Variants in CFAP276 observed in about 807,000 individuals in gnomAD.
The protein encoded by CFAP276 is cilia and flagella associated protein 276.
chr1:109,113,530 A>G, the CFAP276 span: 8 of 1,048,746 alleles, frequency 7.6e-6, no homozygotes, highest in East Asian at 2.5e-5. Flanking sequence ...ACTCGGATCA[A>G]CTACAGTGTC....
At chr1:109,113,467 A>AGAGAGAGAGAGG in the CFAP276 span, among the ~76,000 whole-genome samples, 78 of 126,386 alleles carry the variant, frequency 6.2e-4, 6 homozygotes, top group South Asian at 1.8e-3. Flanking sequence ...AGAGAGAGAG[A>AGAGAGAGAGAGG]GGCCCACGTG....
the CFAP276 span, chr1:109,106,062 G>T: frequency 6.2e-7 from 1 of 1,613,842 alleles, no homozygotes; most frequent in East Asian, 2.2e-5. Context: ...TTTCTTTCGG[G>T]AGTAGCCTCC....
chr1:109,112,247 A>G, the CFAP276 span, among the ~76,000 whole-genome samples: 1 of 152,192 alleles, frequency 6.6e-6, no homozygotes, highest in Non-Finnish European at 1.5e-5. Context: ...CTTTCAGAGG[A>G]TTCTCTCCCA....
chr1:109,108,279 A>T, the CFAP276 span, among the ~76,000 whole-genome samples: 3 of 152,086 alleles, frequency 2.0e-5, no homozygotes, highest in African/African-American at 7.2e-5. Flanking sequence ...AGTAGCTGGG[A>T]TTACAGGCAT....
At chr1:109,107,187 A>G in the CFAP276 span, 419 of 1,257,058 alleles carry the variant, frequency 3.3e-4, 1 homozygote, top group Admixed American at 1.7e-3. Context: ...GTCAGGTTCT[A>G]TTGTGCTCTA....
chr1:109,110,182 C>G, the CFAP276 span, among the ~76,000 whole-genome samples: 7 of 152,332 alleles, frequency 4.6e-5, no homozygotes, highest in East Asian at 1.3e-3. Flanking sequence ...CTTCTGAGAC[C>G]TGTACCATTC....
At chr1:109,113,416 AAG>A in the CFAP276 span, among the ~76,000 whole-genome samples, 2,050 of 67,920 alleles carry the variant, frequency 0.03, 49 homozygotes, top group Admixed American at 0.039. Flanking sequence ...GAGAGAGAGA[AAG>A]AGAGAGAGAG....
At chr1:109,106,667 A>T in the CFAP276 span, 1 of 1,613,584 alleles carries the variant, frequency 6.2e-7, no homozygotes, top group Non-Finnish European at 8.5e-7. Context: ...GTTCTAGAAG[A>T]AGGCATAGGG....
the CFAP276 span, among the ~76,000 whole-genome samples, chr1:109,109,322 C>A: frequency 6.6e-6 from 1 of 151,452 alleles, no homozygotes; most frequent in Non-Finnish European, 1.5e-5. Flanking sequence ...GTGGTGGGCG[C>A]CTGTAATCTC....
the CFAP276 span, chr1:109,108,117 CT>C: frequency 1.0e-6 from 1 of 968,928 alleles, no homozygotes; most frequent in Non-Finnish European, 1.6e-6. Flanking sequence ...GTAGCATCCC[CT>C]TATTCCATCC....
the CFAP276 span, among the ~76,000 whole-genome samples, chr1:109,107,632 T>C: frequency 1.3e-5 from 2 of 151,898 alleles, no homozygotes; most frequent in African/African-American, 4.8e-5. Flanking sequence ...CTCATGCCTA[T>C]AATCCCAGCA....
the CFAP276 span, chr1:109,106,099 CTG>C: frequency 3.3e-5 from 53 of 1,609,698 alleles, no homozygotes; most frequent in East Asian, 2.5e-4. Flanking sequence ...TGAGGGGACA[CTG>C]TGGAGAAAAG....
the CFAP276 span, among the ~76,000 whole-genome samples, chr1:109,113,421 AG>A: frequency 0.095 from 4,920 of 51,826 alleles, 301 homozygotes; most frequent in Non-Finnish European, 0.16. Flanking sequence ...AGAGAAAGAG[AG>A]AGAGAGAGAG....
At chr1:109,107,878 C>T in the CFAP276 span, 1 of 1,504,320 alleles carries the variant, frequency 6.6e-7, no homozygotes, top group South Asian at 1.2e-5. Flanking sequence ...AAAAAAAAGC[C>T]CTAAACGGCT....
At chr1:109,113,151 A>G in the CFAP276 span, among the ~76,000 whole-genome samples, 2 of 152,130 alleles carry the variant, frequency 1.3e-5, no homozygotes, top group Non-Finnish European at 2.9e-5. Flanking sequence ...GCACTTTGGG[A>G]AGCGGAGGCG....
the CFAP276 span, chr1:109,108,088 G>A: frequency 7.4e-7 from 1 of 1,344,912 alleles, no homozygotes; most frequent in Non-Finnish European, 1.1e-6. Context: ...GGGAAGCCTT[G>A]CTGATGTGGT....
the CFAP276 span, among the ~76,000 whole-genome samples, chr1:109,111,447 G>A: frequency 6.7e-6 from 1 of 149,426 alleles, no homozygotes; most frequent in African/African-American, 2.5e-5. Context: ...TCCAGCTGGG[G>A]TGACAGAGCA....
the CFAP276 span, chr1:109,106,637 C>T: frequency 6.2e-7 from 1 of 1,613,788 alleles, no homozygotes; most frequent in Non-Finnish European, 8.5e-7. Flanking sequence ...GTTAAAAATT[C>T]TCCAGGGAAT....
At chr1:109,106,005 A>G in the CFAP276 span, 3 of 1,592,026 alleles carry the variant, frequency 1.9e-6, no homozygotes, top group South Asian at 1.1e-5. Flanking sequence ...TTTCACTATA[A>G]TTAGTTCAGG....
Sources: allele counts gnomAD v4.1 joint callset (sites outside exome capture counted in the v4.1 genomes callset), GRCh38; gene constraint gnomAD v4.1.1; transcripts MANE v1.5; gene names NCBI Gene and HGNC (gene_info 2026-07-23, HGNC 2026-07-21).